Variants in TOPORS observed in about 807,000 individuals in gnomAD.
The protein encoded by TOPORS is E3 ubiquitin-protein ligase Topors.
Under a neutral mutation model 81.4 loss-of-function variants are expected in TOPORS, and 25 were observed. The ratio of observed to expected loss-of-function variants is 0.31; its 90% CI spans 0.22 to 0.43. The LOEUF is 0.43. Ranked by LOEUF, TOPORS falls within the 20% of genes least tolerant of loss-of-function variation. TOPORS has a pLI of 1.00. For synonymous variants in TOPORS, 473 were observed against 456.6 expected (o/e 1.04, Z -0.46); for missense variants, 1,101 against 1,267.0 (o/e 0.87, Z 1.99).
At chr9:32,548,017 T>A (rs1386500738) in intron 2 of TOPORS, among the ~76,000 whole-genome samples, 1 of 143,266 alleles carries the variant, frequency 7.0e-6, no homozygotes, top group Admixed American at 6.9e-5. Flanking sequence ...TTTTTTTTTT[T>A]TTTTTTGTAT....
chr9:32,545,694 G>C (rs865883607), intron 2 of TOPORS, among the ~76,000 whole-genome samples: 4 of 152,236 alleles, frequency 2.6e-5, no homozygotes, highest in Middle Eastern at 3.4e-3. Flanking sequence ...CCAGGAGGCA[G>C]AGGTTGCAGT....
rs932089303 is a variant in TOPORS, at chr9:32,552,544, T to A, written c.-108A>T. ...ACTGGGCCCGCAGGCGGAAAGGCCC[T>A]ATTTCTTCAGCACCCAGAAACTCCA... On this transcript the variant is annotated 5_prime_UTR_variant, in exon 1 of 3. Transcript: ENST00000360538. 2 of 1,445,326 alleles carry A rather than the reference T, an allele frequency of 1.4e-6. No homozygotes were observed. Among genetic ancestry groups the A allele is most frequent in the Non-Finnish European group, 1.9e-6 (2 of 1,049,898 alleles). The allele number at this position is 1,445,326 out of a possible 1,614,324, so 89.5% of individuals were successfully genotyped here. A position where few individuals can be genotyped will look rare whatever the true frequency, so the allele number is the denominator to read the frequency against.
chr9:32,552,432 A>C lies in TOPORS; in HGVS notation c.3+2T>G. On this transcript the variant is annotated splice_donor_variant, in intron 1 of 2. Transcript: ENST00000360538. LOFTEE classifies it high-confidence loss of function. The stretch of plus-strand genomic sequence containing the variant: ...TCCCGCGGACTGCTGCCGCCTCCTT[A>C]CCATGAAGCCAGTAAGTCGTCGCAC... 1 of 1,609,296 alleles carries C rather than the reference A, an allele frequency of 6.2e-7. No individual in the cohort carries two copies. Among genetic ancestry groups the C allele is most frequent in the Non-Finnish European group, 8.5e-7 (1 of 1,178,272 alleles).
intron 2 of TOPORS, among the ~76,000 whole-genome samples, chr9:32,548,248 G>C (rs1311506098): frequency 6.6e-6 from 1 of 151,644 alleles, no homozygotes; most frequent in African/African-American, 2.4e-5. Flanking sequence ...TGCTGGCCGG[G>C]CGCGGTGGCT....
Position 32,542,786 on chromosome 9 carries a change from C to T in TOPORS, c.1739G>A (p.Gly580Glu). The change falls in exon 3 of 3, where the codon GGA (glycine) becomes GAA (glutamate). Residue 580 changes from glycine to glutamate, a missense_variant. Around this residue, in one of 9 missense-constraint regions of TOPORS, gnomAD observed 605 missense variants for 636.1 expected, o/e 0.95. Coordinates refer to ENST00000360538, the MANE Select transcript of TOPORS (RefSeq NM_005802.5). ...GTTATATGGAGAATATACTCTGTCTCCTCTTACAGATGAGTTCAGGTTTCT... is the reference window on the plus strand; with the variant it reads ...GTTATATGGAGAATATACTCTGTCTTCTCTTACAGATGAGTTCAGGTTTCT... ...SPRNLNSSVRGDRVYSPYNHR... is the reference protein window; with the variant it reads ...SPRNLNSSVREDRVYSPYNHR... 8.7e-6 allele frequency: 14 copies of T among 1,614,050 alleles called. No individual in the cohort carries two copies. Among genetic ancestry groups the T allele is most frequent in the African/African-American group, 1.3e-5 (1 of 75,056 alleles).
chr9:32,551,636 A>G (rs950159531), intron 1 of TOPORS: 22 of 267,872 alleles, frequency 8.2e-5, no homozygotes, highest in African/African-American at 4.6e-4. Context: ...GCCCGTTGCC[A>G]GATTCTACTC....
chr9:32,551,254 C>CA, intron 1 of TOPORS: 1 of 571,964 alleles, frequency 1.7e-6, no homozygotes, highest in Non-Finnish European at 3.1e-6. Context: ...ACCCGGAAAA[C>CA]ACGAGAACTA....
At position 32,550,913 on chromosome 9, in the gene TOPORS, G is replaced by A; in HGVS notation, c.59C>T (p.Pro20Leu). The change falls in exon 2 of 3, where the codon CCG (proline) becomes CTG (leucine). Residue 20 changes from proline to leucine, a missense_variant. Around this residue, in one of 9 missense-constraint regions of TOPORS, gnomAD observed 131 missense variants for 101.0 expected, o/e 1.30. Coordinates refer to ENST00000360538, the MANE Select transcript of TOPORS (RefSeq NM_005802.5). ...PLSREEGEAPPPAPASEGRRR... is the reference protein window; with the variant it reads ...PLSREEGEAPLPAPASEGRRR... ...CCTACCCTCCGAAGCGGGAGCAGGC[G>A]GGGGCGCTTCACCCTCCTCGCGAGA... 1 of 1,612,782 alleles carries A rather than the reference G, an allele frequency of 6.2e-7. No individual in the cohort carries two copies. Among genetic ancestry groups the A allele is most frequent in the Non-Finnish European group, 8.5e-7 (1 of 1,179,808 alleles).
rs1428909022 is a variant in TOPORS at position 32,552,198 on chromosome 9, TTTTAACATTTTCTCGTTTATTCCCCTC to T, written c.3+209_3+235del. On this transcript the variant is annotated intron_variant, in intron 1 of 2. Transcript: ENST00000360538. ...GCAAAAAAAAAAAAAAAAAAGCAAT[TTTTAACATTTTCTCGTTTATTCCCCTC>T]TCTAAAAGGCGGGCAAGGCCCCCGA... is the stretch of plus-strand genomic sequence containing the variant. The T allele has an allele frequency of 8.3e-6, 5 of 605,816 alleles. No individual in the cohort carries two copies. The African/African-American group carries it at 9.4e-5, about 11-fold the overall frequency. The allele number at this position is 605,816 out of a possible 1,614,324, so 37.5% of individuals were successfully genotyped here.
In TOPORS at chr9:32,543,957, C is replaced by T. The variant is rs1305316061; in HGVS notation, c.568G>A (p.Ala190Thr). ...GGACCACTAGGTGAATACACAGAAG[C>T]ATTTCGTTCCCTTGTCAGAGTTGTA... ...YRTTLTRERNASVYSPSGPVN... is the reference protein window; with the variant it reads ...YRTTLTRERNTSVYSPSGPVN... Residue 190 changes from alanine (A) to threonine (T), a missense_variant, in exon 3 of 3, where the codon GCT becomes ACT. Physicochemically the swap from Ala to Thr is moderately conservative, Grantham distance 58 (BLOSUM62 0). Transcript: ENST00000360538. This position sits in a 1 kb window ranked among gnomAD's most constrained non-coding sequence, Gnocchi z 5.6. 4 of 1,614,124 alleles carry T rather than the reference C, an allele frequency of 2.5e-6. No homozygotes were observed. The highest frequency in any genetic ancestry group is 4.5e-5 in the East Asian group (2 of 44,884).
At chr9:32,549,398 T>C (rs1044953966) in intron 2 of TOPORS, among the ~76,000 whole-genome samples, 2 of 152,238 alleles carry the variant, frequency 1.3e-5, no homozygotes, top group Non-Finnish European at 2.9e-5. Context: ...GCGGGAGTGA[T>C]GTTAATTTTG....
Position 32,543,546 on chromosome 9 carries a change from T to C in TOPORS, c.979A>G (p.Thr327Ala). The C allele has an allele frequency of 6.2e-7, 1 of 1,613,896 alleles. No homozygotes were observed. Among genetic ancestry groups the C allele is most frequent in the Non-Finnish European group, 8.5e-7 (1 of 1,179,986 alleles). ...GCCTGACTCTCCAAGTCATAGCGAG[T>C]AACATTACTCATGATAATATGCTGG... ...IVQHIIMSNV[T>A]RYDLESQAFV... The change falls in exon 3 of 3, where the codon ACT becomes GCT. Residue 327 changes from threonine (T) to alanine (A), a missense_variant. Physicochemically the swap from Thr to Ala is moderately conservative, Grantham distance 58. Coordinates refer to ENST00000360538, the MANE Select transcript of TOPORS (RefSeq NM_005802.5). The surrounding 1 kb of genome is among the most constrained non-coding windows in gnomAD (Gnocchi z 5.6).
Position 32,550,817 on chromosome 9 carries a change from A to C in TOPORS, c.155T>G (p.Leu52Arg). 5 of 1,612,560 alleles carry C rather than the reference A, an allele frequency of 3.1e-6. No individual in the cohort carries two copies. The highest frequency in any genetic ancestry group is 4.2e-6 in the Non-Finnish European group (5 of 1,179,690). ...AGGCCTGGCTGGGGCGCTCGCCGCG[A>C]GCTCCCGGCAGCCCAGAAAGCTAGG... Reference protein sequence around the residue: ...HRPSFLGCRELAASAPARPAP... With the variant: ...HRPSFLGCRERAASAPARPAP... The change falls in exon 2 of 3, where the codon CTC (leucine) becomes CGC (arginine). Residue 52 changes from leucine (L) to arginine (R), a missense_variant. By Grantham distance (102) the Leu-to-Arg change is moderately radical. This residue lies in a region of TOPORS where 131 missense variants were observed against 101.0 expected (regional missense o/e 1.30). Coordinates refer to ENST00000360538, the MANE Select transcript of TOPORS (RefSeq NM_005802.5).
rs773824879 is a variant in TOPORS, at chr9:32,550,968, CCT to C, written c.4-2_4-1del. Reference sequence around the variant, plus strand: ...GGAGACCCCAGCGGCGGCTGCGACCCCTGTGACGCAAAGGGCTCATCACCAAT... The same window carrying C: ...GGAGACCCCAGCGGCGGCTGCGACCCGTGACGCAAAGGGCTCATCACCAAT... On this transcript the variant is annotated splice_acceptor_variant, in intron 1 of 2. Transcript: ENST00000360538. LOFTEE classifies it high-confidence loss of function. The C allele has an allele frequency of 3.7e-5, 59 of 1,610,036 alleles. No homozygotes were observed. Among genetic ancestry groups the C allele is most frequent in the Non-Finnish European group, 4.7e-5 (56 of 1,179,762 alleles).
In TOPORS at chr9:32,540,951, A is replaced by C. The variant is rs993892862; in HGVS notation, c.*436T>G. 3.9e-5 allele frequency: 6 copies of C among 155,126 alleles called. No homozygotes were observed. Among genetic ancestry groups the C allele is most frequent in the African/African-American group, 1.4e-4 (6 of 41,446 alleles). The allele number at this position is 155,126 out of a possible 1,614,324, so 9.6% of individuals were successfully genotyped here. Reference sequence around the variant, plus strand: ...TGAAGAAATGGTTTTGAATCATATAAATTTTTAAGAAGAAAAATAAAGACT... The same window carrying C: ...TGAAGAAATGGTTTTGAATCATATACATTTTTAAGAAGAAAAATAAAGACT... On this transcript the variant is annotated 3_prime_UTR_variant, in exon 3 of 3. Transcript: ENST00000360538.
Position 32,550,838 on chromosome 9 carries a change from C to T in TOPORS, c.134G>A (p.Ser45Asn). Residue 45 changes from serine (S) to asparagine (N), a missense_variant, in exon 2 of 3, where the codon AGC (serine) becomes AAC (asparagine). Ser to Asn is a conservative substitution (Grantham distance 46). Around this residue, in one of 9 missense-constraint regions of TOPORS, gnomAD observed 131 missense variants for 101.0 expected, o/e 1.30. Transcript: ENST00000360538. The part of the protein sequence containing the change: ...RLRGSCRHRP[S>N]FLGCRELAAS... ...CGCGAGCTCCCGGCAGCCCAGAAAG[C>T]TAGGTCGGTGTCGGCAGGATCCGCG... 1.2e-6 allele frequency: 2 copies of T among 1,613,014 alleles called. No individual in the cohort carries two copies. Among genetic ancestry groups the T allele is most frequent in the East Asian group, 2.2e-5 (1 of 44,864 alleles).
At chr9:32,544,520 G>A (rs1016944739) in intron 2 of TOPORS, among the ~76,000 whole-genome samples, 194 bp from the exon 3 acceptor site, 7 of 152,178 alleles carry the variant, frequency 4.6e-5, no homozygotes, top group South Asian at 2.1e-4. Flanking sequence ...TCTGAAGTCA[G>A]ATTTCCTAAG....
Position 32,550,814 on chromosome 9 carries a change from G to A in TOPORS, c.158C>T (p.Ala53Val). Reference protein sequence around the residue: ...RPSFLGCRELAASAPARPAPA... With the variant: ...RPSFLGCRELVASAPARPAPA... ...CGCAGGCCTGGCTGGGGCGCTCGCC[G>A]CGAGCTCCCGGCAGCCCAGAAAGCT... The change falls in exon 2 of 3, where the codon GCG (alanine) becomes GTG (valine). Residue 53 changes from alanine (A) to valine (V), a missense_variant. Around this residue, in one of 9 missense-constraint regions of TOPORS, gnomAD observed 131 missense variants for 101.0 expected, o/e 1.30. Transcript: ENST00000360538. 1.9e-6 allele frequency: 3 copies of A among 1,612,588 alleles called. No individual in the cohort carries two copies. The highest frequency in any genetic ancestry group is 2.5e-6 in the Non-Finnish European group (3 of 1,179,680).
At position 32,542,033 on chromosome 9, in the gene TOPORS, T is replaced by C; in HGVS notation, c.2492A>G (p.Lys831Arg). 1 of 1,614,126 alleles carries C rather than the reference T, an allele frequency of 6.2e-7. No homozygotes were observed. The highest frequency in any genetic ancestry group is 8.5e-7 in the Non-Finnish European group (1 of 1,180,030). Residue 831 changes from lysine to arginine, a missense_variant, in exon 3 of 3, where the codon AAA (lysine) becomes AGA (arginine). By Grantham distance (26) the Lys-to-Arg change is conservative (BLOSUM62 2). Transcript: ENST00000360538. ...CTCATTTTTGTAGTTTCCATCCAATTTTGATGAAGATTTTTGGTAATGACT... is the reference window on the plus strand; with the variant it reads ...CTCATTTTTGTAGTTTCCATCCAATCTTGATGAAGATTTTTGGTAATGACT... ...KDSHYQKSSS[K>R]LDGNYKNESD... is the part of the protein sequence containing the mutation.
Sources: allele counts gnomAD v4.1 joint callset (sites outside exome capture counted in the v4.1 genomes callset), GRCh38; gene constraint gnomAD v4.1.1; regional missense constraint gnomAD v4.1.1; non-coding constraint Gnocchi (gnomAD v3.1); transcripts MANE v1.5; gene names NCBI Gene and HGNC (gene_info 2026-07-23, HGNC 2026-07-21).